The following ANXA4 variants were observed in gnomAD, a reference collection of about 807,000 sequenced individuals.
ANXA4 encodes the protein 35-beta calcimedin.
Under a neutral mutation model 49.8 loss-of-function variants are expected in ANXA4, and 39 were observed. The ratio of observed to expected loss-of-function variants is 0.78; its 90% CI spans 0.61 to 1.02. The LOEUF is 1.02. Ranked by LOEUF, ANXA4 falls within the 50% of genes least tolerant of loss-of-function variation. The pLI, the probability that ANXA4 is intolerant of heterozygous loss-of-function variation, is 0.00. For synonymous variants in ANXA4, 134 were observed against 152.5 expected, an observed-to-expected ratio of 0.88 and a Z score of 0.89; for missense variants, 360 against 410.1, an observed-to-expected ratio of 0.88 and a Z score of 1.05.
rs189851114 is a variant in ANXA4, at chr2:69,686,584, C to G, written n.766+33302C>G. ...CCTCCCACCTCAGCCTCTTGGATAGCTGAGACCACAGACGTGCCCCACCAT... is the reference window on the plus strand; with the variant it reads ...CCTCCCACCTCAGCCTCTTGGATAGGTGAGACCACAGACGTGCCCCACCAT... On this transcript the variant is annotated intron_variant and non_coding_transcript_variant, in intron 2 of 3. Transcript: ENST00000418066. Among the ~76,000 whole-genome samples the G allele has an allele frequency of 1.7e-3, 255 of 152,314 alleles. 1 individual carries two copies. Among genetic ancestry groups the G allele is most frequent in the African/African-American group, 5.7e-3 (237 of 41,570 alleles).
chr2:69,703,472 G>A (rs960593170), intron 2 of ANXA4, among the ~76,000 whole-genome samples: 12 of 152,040 alleles, frequency 7.9e-5, no homozygotes, highest in African/African-American at 2.9e-4. Context: ...TGTCTCTATG[G>A]ATTCCCAAGA....
intron 9 of ANXA4, 193 bp downstream of exon 9, chr2:69,816,387 A>G (rs541434575): frequency 7.9e-6 from 4 of 503,946 alleles, no homozygotes; most frequent in African/African-American, 7.6e-5. Context: ...AAGATTAATT[A>G]TGAATAATTA....
chr2:69,647,420 A>T (rs554009263), intron 1 of ANXA4, among the ~76,000 whole-genome samples: 135 of 138,968 alleles, frequency 9.7e-4, no homozygotes, highest in African/African-American at 1.6e-3. Context: ...TTATTTATTT[A>T]TTTTTTGAGA....
intron 4 of ANXA4, among the ~76,000 whole-genome samples, chr2:69,804,909 A>C (rs1673375080): frequency 6.6e-6 from 1 of 151,980 alleles, no homozygotes; most frequent in South Asian, 2.1e-4. Context: ...TTAGCCGGGC[A>C]TGGTGCTGAG....
intron 2 of ANXA4, among the ~76,000 whole-genome samples, chr2:69,717,510 A>T (rs1425190332): frequency 6.6e-6 from 1 of 152,172 alleles, no homozygotes; most frequent in African/African-American, 2.4e-5. Context: ...ATCAGCCAAT[A>T]TTATTTTGTG....
chr2:69,810,851 C>T, intron 7 of ANXA4, 178 bp downstream of exon 7: 1 of 587,908 alleles, frequency 1.7e-6, no homozygotes, highest in Non-Finnish European at 3.0e-6. Flanking sequence ...TCCTGCCTGC[C>T]CATTTTTTCT....
At position 69,754,061 on chromosome 2, in the gene ANXA4, A is replaced by T. The variant is rs891741028; in HGVS notation, c.-47+11886A>T. Among the ~76,000 whole-genome samples, 28 of 152,222 alleles carry T rather than the reference A, an allele frequency of 1.8e-4. 1 individual carries two copies. Among genetic ancestry groups the T allele is most frequent in the African/African-American group, 6.8e-4 (28 of 41,452 alleles). On this transcript the variant is annotated intron_variant, in intron 1 of 12. Transcript: ENST00000394295. ...GGAAGAGAATTTAATTTGAAGTTTC[A>T]CAGATATCATGGAATATCAGATCTG...
chr2:69,648,820 CAAAAAA>C (rs372749631), intron 1 of ANXA4, among the ~76,000 whole-genome samples: 4 of 44,928 alleles, frequency 8.9e-5, no homozygotes, highest in Admixed American at 2.3e-4. Context: ...GACTCAGTCT[CAAAAAA>C]AAAAAAAAAA....
intron 2 of ANXA4, among the ~76,000 whole-genome samples, chr2:69,654,147 T>C (rs543347011): frequency 6.6e-6 from 1 of 152,352 alleles, no homozygotes; most frequent in African/African-American, 2.4e-5. Context: ...ATCCTGAGAC[T>C]TTGCTGAAGT....
At chr2:69,796,422 T>C (rs1672947547) in intron 3 of ANXA4, among the ~76,000 whole-genome samples, 1 of 152,212 alleles carries the variant, frequency 6.6e-6, no homozygotes, top group Non-Finnish European at 1.5e-5. Context: ...TCTGGTCCTA[T>C]AGCCTGTTTT....
chr2:69,779,505 T>C (rs1320717342), intron 1 of ANXA4, among the ~76,000 whole-genome samples: 2 of 152,156 alleles, frequency 1.3e-5, no homozygotes, highest in African/African-American at 4.8e-5. Context: ...CATATTCCAG[T>C]GCCACACCCT....
intron 3 of ANXA4, among the ~76,000 whole-genome samples, chr2:69,729,394 CAATT>C (rs1195597901): frequency 6.6e-6 from 1 of 152,146 alleles, no homozygotes; most frequent in African/African-American, 2.4e-5. Flanking sequence ...TGATGTTTGA[CAATT>C]TATTTTTAAA....
chr2:69,719,589 A>G lies in ANXA4; in HGVS notation n.767-1185A>G, dbSNP rs374152000. On this transcript the variant is annotated intron_variant and non_coding_transcript_variant, in intron 2 of 3. Transcript: ENST00000418066. ...TGAGTAGCTGGGATTACAGGCGCCC[A>G]CCAACACACCTGGCTAATTTTTATA... Among the ~76,000 whole-genome samples, 31 of 151,460 alleles carry G rather than the reference A, an allele frequency of 2.0e-4. No homozygotes were observed. The South Asian group carries it at 6.3e-3, about 31-fold the overall frequency.
At chr2:69,694,895 G>A (rs1010608002) in intron 2 of ANXA4, among the ~76,000 whole-genome samples, 3 of 152,110 alleles carry the variant, frequency 2.0e-5, no homozygotes, top group Admixed American at 2.0e-4. Context: ...CAAAGTGCTG[G>A]GATTACAGGC....
intron 1 of ANXA4, among the ~76,000 whole-genome samples, chr2:69,763,947 C>T (rs1671400135): frequency 6.6e-6 from 1 of 152,166 alleles, no homozygotes; most frequent in African/African-American, 2.4e-5. Context: ...AGACGTGAGC[C>T]ACCGCACCTG....
chr2:69,685,178 T>C (rs575052583), intron 2 of ANXA4, among the ~76,000 whole-genome samples: 38 of 151,962 alleles, frequency 2.5e-4, no homozygotes, highest in Non-Finnish European at 5.0e-4. Context: ...GGGGGATTAT[T>C]AGAGGAACAG....
intron 2 of ANXA4, among the ~76,000 whole-genome samples, chr2:69,675,806 G>A (rs138319797): frequency 0.03 from 4,523 of 152,044 alleles, 210 homozygotes; most frequent in African/African-American, 0.1. Context: ...GGCAGATCAC[G>A]AGGTCAGGAG....
chr2:69,769,368 G>A (rs1421528823), intron 1 of ANXA4, among the ~76,000 whole-genome samples: 2 of 152,200 alleles, frequency 1.3e-5, no homozygotes, highest in African/African-American at 4.8e-5. Context: ...TTTCACTACT[G>A]TAGTATCTAG....
intron 6 of ANXA4, 166 bp from the exon 7 acceptor site, chr2:69,810,428 T>G (rs1673647787): frequency 1.6e-6 from 1 of 611,330 alleles, no homozygotes; most frequent in South Asian, 1.9e-5. Context: ...TCTTGACCAT[T>G]TTACCAGAGT....
Sources: gnomAD v4.1 joint callset for allele counts (sites outside exome capture counted in the v4.1 genomes callset) on GRCh38, gnomAD v4.1.1 for gene constraint, MANE v1.5 for transcripts, NCBI Gene and HGNC (gene_info 2026-07-23, HGNC 2026-07-21) for gene names.